Variants in TPCN1 observed in about 807,000 individuals in gnomAD.
The protein encoded by TPCN1 is two pore segment channel 1.
In TPCN1, 52 loss-of-function variants were observed where a neutral mutation model predicts 108.8. That is an observed-to-expected ratio of 0.48 (90% confidence interval 0.38 to 0.60). TPCN1 has a LOEUF of 0.60. Among genes scored for constraint, TPCN1 ranks in the 20% least tolerant of loss-of-function variants. The pLI is 0.00. For missense variants in TPCN1, 806 were observed against 1,072.8 expected (o/e 0.75, Z 3.47); for synonymous variants, 446 against 433.7 (o/e 1.03, Z -0.35).
At chr12:113,280,513 A>C (rs996039106) in intron 15 of TPCN1, among the ~76,000 whole-genome samples, 1 of 152,036 alleles carries the variant, frequency 6.6e-6, no homozygotes, top group African/African-American at 2.4e-5. Flanking sequence ...CACCTCATTT[A>C]GGTGAGGAAG....
intron 1 of TPCN1, among the ~76,000 whole-genome samples, chr12:113,222,361 G>A (rs1953273606): frequency 6.6e-6 from 1 of 152,190 alleles, no homozygotes; most frequent in African/African-American, 2.4e-5. Context: ...CTAAAGTGGG[G>A]ATATTAGCTA....
At chr12:113,252,808 T>C (rs1165327232) in intron 2 of TPCN1, among the ~76,000 whole-genome samples, 2 of 152,170 alleles carry the variant, frequency 1.3e-5, no homozygotes, top group South Asian at 4.1e-4. Context: ...GGTTTGACCT[T>C]CTTCTGTCTC....
chr12:113,295,637 C>T (rs1041004588), intron 27 of TPCN1, among the ~76,000 whole-genome samples: 2 of 152,020 alleles, frequency 1.3e-5, no homozygotes, highest in African/African-American at 4.8e-5. Flanking sequence ...CAAAAGGGGT[C>T]ACTCGGGGGG....
intron 2 of TPCN1, among the ~76,000 whole-genome samples, chr12:113,249,217 C>T (rs905818133): frequency 6.6e-6 from 1 of 152,200 alleles, no homozygotes; most frequent in Non-Finnish European, 1.5e-5. Flanking sequence ...ATGGAGGGAC[C>T]GTCTGTGCGA....
intron 2 of TPCN1, among the ~76,000 whole-genome samples, chr12:113,256,241 T>C (rs893147382): frequency 2.0e-5 from 3 of 152,254 alleles, no homozygotes; most frequent in South Asian, 4.1e-4. Context: ...ACAAAGAAAT[T>C]GACTAATTCT....
rs997437808 is a variant in TPCN1 at position 113,268,970 on chromosome 12, C to T, written c.659+98C>T. 35 of 1,403,522 alleles carry T rather than the reference C, an allele frequency of 2.5e-5. No homozygotes were observed. The highest frequency in any genetic ancestry group is 1.1e-4 in the Admixed American group (6 of 56,450). The allele number at this position is 1,403,522 out of a possible 1,614,324, so 86.9% of individuals were successfully genotyped here. ...CTTGTGAGTCAGTTAGTGATGAGGT[C>T]GACCCTGCATGCTGGTGGAGTACAC... is the stretch of plus-strand genomic sequence containing the variant. On this transcript the variant is annotated intron_variant, in intron 6 of 27. Transcript: ENST00000335509. The surrounding 1 kb of genome is among the most constrained non-coding windows in gnomAD (Gnocchi z 7.3).
At chr12:113,286,849 C>T (rs1956099893) in intron 18 of TPCN1, 138 bp from the exon 19 acceptor site, 1 of 666,288 alleles carries the variant, frequency 1.5e-6, no homozygotes, top group Non-Finnish European at 2.7e-6. Flanking sequence ...GGAAGTTCTT[C>T]CCGCAGCCGG....
intron 1 of TPCN1, 134 bp downstream of exon 1, chr12:113,221,760 AG>A: frequency 6.5e-6 from 1 of 153,032 alleles, no homozygotes; most frequent in Non-Finnish European, 1.5e-5. Flanking sequence ...GAGGGGGCGC[AG>A]GGAAGTCTCC....
chr12:113,292,926 C>T lies in TPCN1; in HGVS notation c.2114-8C>T, dbSNP rs757175805. Reference sequence around the variant, plus strand: ...GGCCCTTCCCACACCTGCCTTCCATCCCTGCAGTTGATGGTGGCATCACCC... The same window carrying T: ...GGCCCTTCCCACACCTGCCTTCCATTCCTGCAGTTGATGGTGGCATCACCC... On this transcript the variant is annotated splice_polypyrimidine_tract_variant and splice_region_variant and intron_variant, in intron 25 of 27. Transcript: ENST00000335509. 6.2e-7 allele frequency: 1 copy of T among 1,609,912 alleles called. No homozygotes were observed. Among genetic ancestry groups the T allele is most frequent in the Admixed American group, 1.7e-5 (1 of 59,756 alleles).
chr12:113,278,212 A>G lies in TPCN1; in HGVS notation c.1208A>G (p.Tyr403Cys), dbSNP rs1955738530. 6.2e-7 allele frequency: 1 copy of G among 1,613,780 alleles called. No individual in the cohort carries two copies. Among genetic ancestry groups the G allele is most frequent in the African/African-American group, 1.3e-5 (1 of 74,896 alleles). The stretch of plus-strand genomic sequence containing the variant: ...AGCCTAAAGGACTTTTACGATATCT[A>G]CGAAGTTGCTGCTTTGAAGTGGAAG... Reference protein sequence around the residue: ...LLSLKDFYDIYEVAALKWKAK... With the variant: ...LLSLKDFYDICEVAALKWKAK... Residue 403 changes from tyrosine (Y) to cysteine (C), a missense_variant, in exon 13 of 28, where the codon TAC becomes TGC. Physicochemically the swap from Tyr to Cys is radical, Grantham distance 194 (BLOSUM62 -2). Coordinates refer to ENST00000335509, the MANE Select transcript of TPCN1 (RefSeq NM_017901.6).
chr12:113,279,359 GTATA>G (rs1186995627), intron 14 of TPCN1, among the ~76,000 whole-genome samples: 878 of 40,818 alleles, frequency 0.022, 42 homozygotes, highest in South Asian at 0.034. Flanking sequence ...GTGTGTGTGT[GTATA>G]TATATATATA....
rs1956307706 is a variant in TPCN1, at chr12:113,292,739, C to A, written c.2114-195C>A. 3 of 593,034 alleles carry A rather than the reference C, an allele frequency of 5.1e-6. No homozygotes were observed. The South Asian group carries it at 7.7e-5, about 15-fold the overall frequency. 36.7% of individuals were successfully genotyped at this position (593,034 alleles called of 1,614,324 possible). ...GCCCTGTAACAGCTGCCAGCTAGAC[C>A]TGCGCTCCTGACATCACAGCAGAGG... On this transcript the variant is annotated intron_variant, in intron 25 of 27. Transcript: ENST00000335509.
At position 113,273,780 on chromosome 12, in the gene TPCN1, G is replaced by A. The variant is rs900276605; in HGVS notation, c.942+112G>A. Reference sequence around the variant, plus strand: ...TGTCTTCTGCCTCTCAGGGCAGAACGTTGGGGCAGGAAGTCCCAGATTCAT... The same window carrying A: ...TGTCTTCTGCCTCTCAGGGCAGAACATTGGGGCAGGAAGTCCCAGATTCAT... On this transcript the variant is annotated intron_variant, in intron 10 of 27. Transcript: ENST00000335509. The surrounding 1 kb of genome is among the most constrained non-coding windows in gnomAD (Gnocchi z 4.0). 2.4e-5 allele frequency: 22 copies of A among 903,742 alleles called. No homozygotes were observed. Among genetic ancestry groups the A allele is most frequent in the South Asian group, 1.8e-4 (14 of 76,040 alleles). 56.0% of individuals were successfully genotyped at this position (903,742 alleles called of 1,614,324 possible).
intron 10 of TPCN1, among the ~76,000 whole-genome samples, chr12:113,275,404 C>T (rs76331535): frequency 0.032 from 4,897 of 150,994 alleles, 223 homozygotes; most frequent in East Asian, 0.15. Context: ...CCGCCACACC[C>T]GACTAATTTT....
At position 113,278,653 on chromosome 12, in the gene TPCN1, G is replaced by GTTA. The variant is rs1955756650; in HGVS notation, c.1234-119_1234-118insTTA. 5.1e-6 allele frequency: 4 copies of GTTA among 785,794 alleles called. No individual in the cohort carries two copies. In the African/African-American group the frequency reaches 6.9e-5, roughly 14 times the overall value. The allele number at this position is 785,794 out of a possible 1,614,324, so 48.7% of individuals were successfully genotyped here. ...CTGTGTTGTCATGTAGATCCCTGAAGGTTAACATTGTTCCCCAGTTTAGCA... is the reference window on the plus strand; with the variant it reads ...CTGTGTTGTCATGTAGATCCCTGAAGTTAGTTAACATTGTTCCCCAGTTTAGCA... On this transcript the variant is annotated intron_variant, in intron 13 of 27. Coordinates refer to ENST00000335509, the MANE Select transcript of TPCN1 (RefSeq NM_017901.6).
intron 2 of TPCN1, among the ~76,000 whole-genome samples, chr12:113,233,269 G>C (rs1345692247): frequency 3.3e-5 from 5 of 152,188 alleles, no homozygotes; most frequent in Non-Finnish European, 1.5e-5. Context: ...GCAGGCTGAA[G>C]CACCTGCCAC....
In TPCN1 at chr12:113,268,932, AG is replaced by A; in HGVS notation, c.659+61del. 1 of 1,603,128 alleles carries A rather than the reference AG, an allele frequency of 6.2e-7. No individual in the cohort carries two copies. Among genetic ancestry groups the A allele is most frequent in the South Asian group, 1.1e-5 (1 of 90,368 alleles). On this transcript the variant is annotated intron_variant, in intron 6 of 27. Coordinates refer to ENST00000335509, the MANE Select transcript of TPCN1 (RefSeq NM_017901.6). This position sits in a 1 kb window ranked among gnomAD's most constrained non-coding sequence, Gnocchi z 7.3. ...CCTGGCATGGCCTGACCTCTGGGCC[AG>A]TGGGGCAGGAGCTTGTGAGTCAGTT...
intron 3 of TPCN1, among the ~76,000 whole-genome samples, chr12:113,264,332 GACTC>G (rs1202527783): frequency 7.9e-5 from 12 of 152,298 alleles, no homozygotes; most frequent in South Asian, 4.1e-4. Context: ...TCAGGGAAGT[GACTC>G]ACTCACAGTC....
intron 11 of TPCN1, 48 bp downstream of exon 11, chr12:113,277,083 T>A: frequency 6.3e-7 from 1 of 1,598,908 alleles, no homozygotes; most frequent in Non-Finnish European, 8.6e-7. Context: ...CCTCCCTCCC[T>A]TGCCCAGAGC....
Sources: allele counts gnomAD v4.1 joint callset (sites outside exome capture counted in the v4.1 genomes callset), GRCh38; gene constraint gnomAD v4.1.1; non-coding constraint Gnocchi (gnomAD v3.1); transcripts MANE v1.5; gene names NCBI Gene and HGNC (gene_info 2026-07-23, HGNC 2026-07-21).